Variants in TRIP11 observed in about 807,000 individuals in gnomAD.
The protein encoded by TRIP11 is thyroid hormone receptor interactor 11.
TRIP11 carries 148 observed loss-of-function variants against 223.1 expected under a neutral mutation model. The observed-to-expected ratio is 0.66, with a 90% CI of 0.58 to 0.76. The LOEUF is 0.76. Among genes scored for constraint, TRIP11 ranks in the 30% least tolerant of loss-of-function variants. TRIP11 has a pLI of 0.00. For missense variants in TRIP11, 2,043 were observed against 2,222.0 expected, an observed-to-expected ratio of 0.92 and a Z score of 1.62; for synonymous variants, 762 against 772.6, an observed-to-expected ratio of 0.99 and a Z score of 0.23.
In TRIP11 at chr14:91,993,433, G is replaced by A. The variant is rs866737822; in HGVS notation, c.5160+376C>T. On this transcript the variant is annotated intron_variant, in intron 15 of 20. Coordinates refer to ENST00000267622, the MANE Select transcript of TRIP11 (RefSeq NM_004239.4). ...AGAGGTTGCGGTGGGTCGAGATCAC[G>A]CCATTGCACTCCAGCCTGGGTAACA... 3.7e-4 allele frequency among the ~76,000 whole-genome samples: 50 copies of A among 135,028 alleles called. 1 individual carries two copies. Among genetic ancestry groups the A allele is most frequent in the Non-Finnish European group, 5.0e-4 (33 of 66,156 alleles). 88.6% of individuals were successfully genotyped at this position (135,028 alleles called of 152,430 possible). A position where few individuals can be genotyped will look rare whatever the true frequency, so the allele number is the denominator to read the frequency against.
At position 92,004,282 on chromosome 14, in the gene TRIP11, C is replaced by T; in HGVS notation, c.3694G>A (p.Val1232Ile). Reference protein sequence around the residue: ...EEWKQQVMTTVQNMQHESAQL... With the variant: ...EEWKQQVMTTIQNMQHESAQL... Reference sequence around the variant, plus strand: ...GCTGACTCGTGTTGCATATTTTGTACTGTGGTCATCACCTGCTGCTTCCAC... The same window carrying T: ...GCTGACTCGTGTTGCATATTTTGTATTGTGGTCATCACCTGCTGCTTCCAC... Residue 1232 changes from valine to isoleucine, a missense_variant, in exon 11 of 21, where the codon GTA becomes ATA. Val to Ile is a conservative substitution (Grantham distance 29). Transcript: ENST00000267622. 13 of 1,614,086 alleles carry T rather than the reference C, an allele frequency of 8.1e-6. No homozygotes were observed. Among genetic ancestry groups the T allele is most frequent in the Non-Finnish European group, 1.1e-5 (13 of 1,180,012 alleles).
chr14:92,007,169 C>A (rs925219875), intron 10 of TRIP11, among the ~76,000 whole-genome samples: 2 of 151,984 alleles, frequency 1.3e-5, no homozygotes, highest in Non-Finnish European at 2.9e-5. Flanking sequence ...GGATTACAGG[C>A]ACCTGCCACC....
rs2057242713 is a variant in TRIP11, at chr14:92,029,982, G to C, written c.201+3210C>G. 2.0e-5 allele frequency among the ~76,000 whole-genome samples: 3 copies of C among 152,094 alleles called. No individual in the cohort carries two copies. In the South Asian group the frequency reaches 6.2e-4, roughly 32 times the overall value. ...GGAGGCCGAGGCGGGCGGATCACGA[G>C]GTCAGGAGATCGAGACCATCCCGGC... On this transcript the variant is annotated intron_variant, in intron 2 of 20. Transcript: ENST00000267622.
rs182208678 is a variant in TRIP11 at position 91,986,073 on chromosome 14, C to T, written c.5260+2211G>A. Among the ~76,000 whole-genome samples the T allele has an allele frequency of 3.3e-3, 502 of 152,316 alleles. 4 individuals are homozygous for T. The highest frequency in any genetic ancestry group is 5.5e-3 in the Non-Finnish European group (372 of 68,010). The stretch of plus-strand genomic sequence containing the variant: ...CCCTTCCTGTTTGTGCAACACTGGC[C>T]TCTTGCCTGCCCTTTCAAATACCAG... On this transcript the variant is annotated intron_variant, in intron 16 of 20. Coordinates refer to ENST00000267622, the MANE Select transcript of TRIP11 (RefSeq NM_004239.4).
intron 7 of TRIP11, among the ~76,000 whole-genome samples, chr14:92,013,282 A>T (rs562345887): frequency 6.6e-6 from 1 of 152,196 alleles, no homozygotes; most frequent in Non-Finnish European, 1.5e-5. Context: ...AACAAACAAA[A>T]AAAAAGCTAA....
chr14:92,038,461 G>A (rs138114067), intron 1 of TRIP11, among the ~76,000 whole-genome samples: 180 of 152,104 alleles, frequency 1.2e-3, no homozygotes, highest in African/African-American at 4.3e-3. Context: ...CACCTTTATG[G>A]CATGGGGAAC....
chr14:92,026,873 G>A (rs2057195082), intron 2 of TRIP11: 13 of 1,518,358 alleles, frequency 8.6e-6, no homozygotes, highest in Non-Finnish European at 1.1e-5. Context: ...GCAGAAGACC[G>A]ACGAGGATGA....
intron 20 of TRIP11, among the ~76,000 whole-genome samples, chr14:91,970,420 A>G (rs2056387575): frequency 1.4e-5 from 2 of 147,332 alleles, no homozygotes; most frequent in South Asian, 4.2e-4. Context: ...TCTCAAAAAC[A>G]AAAAATTAAA....
intron 9 of TRIP11, among the ~76,000 whole-genome samples, chr14:92,010,216 C>T (rs1439317965): frequency 6.6e-6 from 1 of 152,180 alleles, no homozygotes; most frequent in Non-Finnish European, 1.5e-5. Flanking sequence ...ACCACTGAAA[C>T]TGTTGCTCTG....
chr14:91,977,481 CCAG>C (rs1171722230), intron 16 of TRIP11, among the ~76,000 whole-genome samples: 1 of 151,722 alleles, frequency 6.6e-6, no homozygotes, highest in Non-Finnish European at 1.5e-5. Flanking sequence ...TCCACTTGTT[CCAG>C]CATTATATGG....
Position 92,006,271 on chromosome 14 carries a change from C to T in TRIP11, c.1705G>A (p.Val569Met). ...GTTAAATGTAAATCATTTAGGGCCA[C>T]TTCACTTTGAATTAGCTTTTCTTTC... The part of the protein sequence containing the change: ...VQKEKLIQSE[V>M]ALNDLHLTKQ... Residue 569 changes from valine (V) to methionine (M), a missense_variant, in exon 11 of 21, where the codon GTG (valine) becomes ATG (methionine). Physicochemically the swap from Val to Met is conservative, Grantham distance 21. Transcript: ENST00000267622. 6.2e-7 allele frequency: 1 copy of T among 1,611,352 alleles called. No individual in the cohort carries two copies. Among genetic ancestry groups the T allele is most frequent in the Non-Finnish European group, 8.5e-7 (1 of 1,179,034 alleles).
chr14:91,990,781 A>G (rs1008718247), intron 15 of TRIP11, among the ~76,000 whole-genome samples: 6 of 152,264 alleles, frequency 3.9e-5, no homozygotes, highest in South Asian at 2.1e-4. Flanking sequence ...GTTTGAGACC[A>G]GCCTGGACAA....
chr14:91,998,815 C>G lies in TRIP11; in HGVS notation c.4892+425G>C, dbSNP rs1440016199. On this transcript the variant is annotated intron_variant, in intron 13 of 20. Transcript: ENST00000267622. ...TAATTCTTCATACTGACCTTGGTCT[C>G]TACTCTGCTACTTCCTTTACTCTCT... is the stretch of plus-strand genomic sequence containing the variant. Among the ~76,000 whole-genome samples, 3 of 152,282 alleles carry G rather than the reference C, an allele frequency of 2.0e-5. No homozygotes were observed. In the South Asian group the frequency reaches 6.2e-4, roughly 32 times the overall value.
At chr14:91,970,655 G>A (rs61483638) in intron 20 of TRIP11, among the ~76,000 whole-genome samples, 2,014 of 152,212 alleles carry the variant, frequency 0.013, 31 homozygotes, top group African/African-American at 0.045. Flanking sequence ...ATGAAATACA[G>A]GAGGATGAAA....
chr14:92,014,131 A>T, intron 7 of TRIP11, 84 bp downstream of exon 7: 1 of 1,536,376 alleles, frequency 6.5e-7, no homozygotes, highest in East Asian at 2.3e-5. Flanking sequence ...TCCACTAAGT[A>T]TTCAGTTAGT....
intron 20 of TRIP11, among the ~76,000 whole-genome samples, chr14:91,970,986 T>C (rs776526688): frequency 1.3e-5 from 2 of 152,320 alleles, no homozygotes; most frequent in African/African-American, 2.4e-5. Context: ...GAAAAAACAA[T>C]ATATACATAC....
In TRIP11 at chr14:91,988,352, T is replaced by C. The variant is rs536393273; in HGVS notation, c.5192A>G (p.Asp1731Gly). The change falls in exon 16 of 21, where the codon GAT (aspartate) becomes GGT (glycine). Residue 1731 changes from aspartate (D) to glycine (G), a missense_variant. Transcript: ENST00000267622. ...CTGTTCTGTAAGTCTTGATGCTGAA[T>C]CCAATGCAGCATTTGCTTCATCCAA... Reference protein sequence around the residue: ...ECLDEANAALDSASRLTEQLD... With the variant: ...ECLDEANAALGSASRLTEQLD... 45 of 1,613,846 alleles carry C rather than the reference T, an allele frequency of 2.8e-5. No homozygotes were observed. The East Asian group carries it at 1.0e-3, about 36-fold the overall frequency.
chr14:92,006,859 G>T (rs944572148), intron 10 of TRIP11, among the ~76,000 whole-genome samples: 3 of 151,754 alleles, frequency 2.0e-5, no homozygotes, highest in Admixed American at 6.6e-5. Flanking sequence ...GTAGAGATGG[G>T]GTTTCTCCAT....
Position 91,999,418 on chromosome 14 carries a change from C to A in TRIP11, c.4714G>T (p.Asp1572Tyr), listed in dbSNP as rs2056792776. Residue 1572 changes from aspartate (D) to tyrosine (Y), a missense_variant, in exon 13 of 21, where the codon GAC (aspartate) becomes TAC (tyrosine). Physicochemically the swap from Asp to Tyr is radical, Grantham distance 160. Coordinates refer to ENST00000267622, the MANE Select transcript of TRIP11 (RefSeq NM_004239.4). ...TCTTGGTTTGAACGAAATTCTTTGT[C>A]ACGTAAACGTTGAACCTAGGTAGAG... ...ALQNEVQRLR[D>Y]KEFRSNQELE... 6.2e-7 allele frequency: 1 copy of A among 1,613,706 alleles called. No homozygotes were observed. The highest frequency in any genetic ancestry group is 1.1e-5 in the South Asian group (1 of 91,046).
Sources: allele counts gnomAD v4.1 joint callset (sites outside exome capture counted in the v4.1 genomes callset), GRCh38; gene constraint gnomAD v4.1.1; transcripts MANE v1.5; gene names NCBI Gene and HGNC (gene_info 2026-07-23, HGNC 2026-07-21).